The following ERCC1 variants were observed in gnomAD, a reference collection of about 807,000 sequenced individuals.
ERCC1 encodes DNA excision repair protein ERCC-1.
ERCC1 carries 36 observed loss-of-function variants against 37.6 expected under a neutral mutation model. The observed-to-expected ratio is 0.96, with a 90% CI of 0.73 to 1.26. ERCC1 has a LOEUF of 1.26. Among genes scored for constraint, ERCC1 ranks in the 50% most tolerant of loss-of-function variants. The pLI, the probability that ERCC1 is intolerant of heterozygous loss-of-function variation, is 0.00. For synonymous variants in ERCC1, 156 were observed against 162.1 expected, an observed-to-expected ratio of 0.96 and a Z score of 0.28; for missense variants, 349 against 376.5, an observed-to-expected ratio of 0.93 and a Z score of 0.60.
chr19:45,442,308 CCT>C, intron 1 of ERCC1, among the ~76,000 whole-genome samples: 1 of 143,656 alleles, frequency 7.0e-6, no homozygotes. Flanking sequence ...CAACAGAGAC[CCT>C]GTCTCAAAAA....
At chr19:45,415,087 AC>A (rs1351433879) in intron 6 of ERCC1, 127 bp from the exon 7 acceptor site, 1 of 637,662 alleles carries the variant, frequency 1.6e-6, no homozygotes, top group African/African-American at 1.8e-5. Flanking sequence ...TAATCCCAGC[AC>A]TTTGGGATGA....
intron 4 of ERCC1, chr19:45,419,509 G>A (rs915399144): frequency 5.2e-6 from 2 of 382,196 alleles, no homozygotes; most frequent in African/African-American, 2.1e-5. Context: ...GTGGGCACGG[G>A]GACACTGCAT....
intron 1 of ERCC1, among the ~76,000 whole-genome samples, chr19:45,436,494 C>T (rs980345816): frequency 1.3e-5 from 2 of 152,026 alleles, no homozygotes; most frequent in South Asian, 2.1e-4. Flanking sequence ...GGCATGGTGG[C>T]GGGCGCCTGT....
At chr19:45,423,985 T>C, upstream of ERCC1, 1 of 1,060,640 alleles carries the variant, frequency 9.4e-7, no homozygotes, top group Non-Finnish European at 1.1e-6. Flanking sequence ...CAACTCTCTA[T>C]GGTTCTGGAG....
At chr19:45,440,720 T>C (rs1463697042) in intron 1 of ERCC1, among the ~76,000 whole-genome samples, 1 of 152,134 alleles carries the variant, frequency 6.6e-6, no homozygotes, top group Non-Finnish European at 1.5e-5. Flanking sequence ...TCCACTAATA[T>C]TTTTTATTTC....
At chr19:45,423,069 C>G (rs755220637) in intron 2 of ERCC1, among the ~76,000 whole-genome samples, 1 of 152,170 alleles carries the variant, frequency 6.6e-6, no homozygotes, top group Non-Finnish European at 1.5e-5. Flanking sequence ...TGTCTGGCCT[C>G]TGCCTTAGCC....
chr19:45,443,437 C>A (rs571083366), intron 1 of ERCC1, among the ~76,000 whole-genome samples: 1 of 152,288 alleles, frequency 6.6e-6, no homozygotes, highest in Non-Finnish European at 1.5e-5. Context: ...TAAGAACACC[C>A]CTCCCCACCT....
rs1568570917 is a variant in ERCC1 at position 45,409,048 on chromosome 19, A to G, written c.*627T>C. ...CGGAGATGAAGCCTCTGGAGTCCCC[A>G]GGGGGGACCATGGCGCCTCAACAGC... On this transcript the variant is annotated 3_prime_UTR_variant, in exon 10 of 10. Coordinates refer to ENST00000300853, the MANE Select transcript of ERCC1 (RefSeq NM_001983.4). 6.2e-7 allele frequency: 1 copy of G among 1,613,718 alleles called. No individual in the cohort carries two copies. Among genetic ancestry groups the G allele is most frequent in the South Asian group, 1.1e-5 (1 of 91,062 alleles).
intron 1 of ERCC1, among the ~76,000 whole-genome samples, chr19:45,445,010 T>TG (rs1966898541): frequency 6.6e-6 from 1 of 151,986 alleles, no homozygotes; most frequent in African/African-American, 2.4e-5. Context: ...TCAACCGATT[T>TG]TTTGTTGTTG....
chr19:45,417,624 G>A (rs188169952), intron 5 of ERCC1, among the ~76,000 whole-genome samples: 47 of 152,208 alleles, frequency 3.1e-4, no homozygotes, highest in African/African-American at 1.1e-3. Context: ...GAGGTTGGAG[G>A]TCACACAGGG....
At position 45,408,896 on chromosome 19, in the gene ERCC1, C is replaced by T. The variant is rs1339584823; in HGVS notation, c.*779G>A. 1 of 1,614,088 alleles carries T rather than the reference C, an allele frequency of 6.2e-7. No homozygotes were observed. Among genetic ancestry groups the T allele is most frequent in the Non-Finnish European group, 8.5e-7 (1 of 1,180,004 alleles). On this transcript the variant is annotated 3_prime_UTR_variant, in exon 10 of 10. Transcript: ENST00000300853. ...AGAGGAGGGGGTGACAGTTGAGTCT[C>T]AGCCACAGGTGAAGGTGGAGCCACT...
intron 1 of ERCC1, among the ~76,000 whole-genome samples, chr19:45,443,592 G>A (rs963705251): frequency 2.0e-5 from 3 of 152,166 alleles, no homozygotes; most frequent in Non-Finnish European, 2.9e-5. Flanking sequence ...AGGAACCCGG[G>A]AGTCCAGACT....
chr19:45,419,039 C>T, intron 5 of ERCC1, 59 bp downstream of exon 5: 3 of 1,141,838 alleles, frequency 2.6e-6, no homozygotes, highest in Non-Finnish European at 3.9e-6. Flanking sequence ...AGGGATTCAA[C>T]AGCCCACTGC....
chr19:45,441,094 C>T (rs1178530662), intron 1 of ERCC1, among the ~76,000 whole-genome samples: 1 of 152,176 alleles, frequency 6.6e-6, no homozygotes, highest in Non-Finnish European at 1.5e-5. Context: ...ACAACAGCTC[C>T]AGGCCTTGGG....
intron 2 of ERCC1, among the ~76,000 whole-genome samples, chr19:45,421,694 C>T (rs1974441787): frequency 6.7e-6 from 1 of 148,946 alleles, no homozygotes; most frequent in Non-Finnish European, 1.5e-5. Context: ...AGTGCAGTGG[C>T]GTGATCTCGG....
At chr19:45,424,029 C>T (rs1974604087), upstream of ERCC1, 2 of 1,049,036 alleles carry the variant, frequency 1.9e-6, no homozygotes, top group East Asian at 5.5e-5. Flanking sequence ...AGAGATGTGG[C>T]CTGAGGATCT....
chr19:45,447,305 T>G (rs2123621477), intron 1 of ERCC1, among the ~76,000 whole-genome samples: 1 of 147,432 alleles, frequency 6.8e-6, no homozygotes. Context: ...GACAGAGATT[T>G]GCTCTTGTCA....
At chr19:45,425,919 GTCTA>G (rs1173567764), upstream of ERCC1, among the ~76,000 whole-genome samples, 3 of 151,134 alleles carry the variant, frequency 2.0e-5, no homozygotes, top group Non-Finnish European at 4.4e-5. Context: ...ATCTATGGGT[GTCTA>G]TCTGTGTCTA....
chr19:45,419,997 C>T (rs549494590), intron 4 of ERCC1, among the ~76,000 whole-genome samples: 10 of 147,738 alleles, frequency 6.8e-5, no homozygotes, highest in African/African-American at 2.5e-4. Flanking sequence ...CCCAGCCCCT[C>T]CTGCCTCAGA....
Sources: gnomAD v4.1 joint callset for allele counts (sites outside exome capture counted in the v4.1 genomes callset) on GRCh38, gnomAD v4.1.1 for gene constraint, MANE v1.5 for transcripts, NCBI Gene and HGNC (gene_info 2026-07-23, HGNC 2026-07-21) for gene names.